COL19A1: variants seen among roughly 807,000 people sequenced by gnomAD.
COL19A1 encodes the protein collagen alpha-1(XIX) chain.
Under a neutral mutation model 190.2 loss-of-function variants are expected in COL19A1, and 159 were observed. That is an observed-to-expected ratio of 0.84 (90% CI 0.73 to 0.95). COL19A1 has a LOEUF of 0.95. Ranked by LOEUF, COL19A1 falls within the 40% of genes least tolerant of loss-of-function variation. COL19A1 has a pLI of 0.00. For synonymous variants in COL19A1, 509 were observed against 458.9 expected (o/e 1.11, Z -1.39); for missense variants, 1,418 against 1,431.9 (o/e 0.99, Z 0.16).
At chr6:69,932,887 G>C (rs1772872220) in intron 7 of COL19A1, 24 bp downstream of exon 7, 5 of 1,448,798 alleles carry the variant, frequency 3.5e-6, no homozygotes, top group Middle Eastern at 1.7e-4. Flanking sequence ...CTTTGCATAT[G>C]AAGAATGAAG....
intron 14 of COL19A1, among the ~76,000 whole-genome samples, chr6:70,046,801 G>A (rs1402321485): frequency 6.6e-6 from 1 of 152,084 alleles, no homozygotes; most frequent in East Asian, 1.9e-4. Context: ...TCATAAAAAT[G>A]TGAAATAACT....
intron 1 of COL19A1, among the ~76,000 whole-genome samples, chr6:69,873,762 C>T (rs1430240590): frequency 1.3e-5 from 2 of 152,154 alleles, no homozygotes; most frequent in African/African-American, 4.8e-5. Context: ...AAGTTTCTAA[C>T]ACAGGAAATT....
Position 69,913,170 on chromosome 6 carries a change from C to T in COL19A1, c.266+12832C>T, listed in dbSNP as rs188124158. On this transcript the variant is annotated intron_variant, in intron 4 of 50. Transcript: ENST00000620364. ...GTTTGCCTCTCTCTTCTGATTTACC[C>T]ACAATAAGAATGTAAAGTTTCTTTT... Among the ~76,000 whole-genome samples, 8 of 152,244 alleles carry T rather than the reference C, an allele frequency of 5.3e-5. No homozygotes were observed. The South Asian group carries it at 6.2e-4, about 12-fold the overall frequency.
In COL19A1 at chr6:70,141,938, T is replaced by C. The variant is rs942685851; in HGVS notation, c.1518+10T>C. 1.9e-6 allele frequency: 3 copies of C among 1,607,424 alleles called. No homozygotes were observed. In the African/African-American group the frequency reaches 4.0e-5, roughly 22 times the overall value. On this transcript the variant is annotated intron_variant, in intron 21 of 50. Transcript: ENST00000620364. ...ATCACAGGGAGTAAAGGTAATTTCC[T>C]GGCATTCTTCAATTTCCTCTCCAAC...
At chr6:70,109,582 G>A (rs1345601066) in intron 16 of COL19A1, among the ~76,000 whole-genome samples, 1 of 132,228 alleles carries the variant, frequency 7.6e-6, no homozygotes, top group Non-Finnish European at 1.6e-5. Flanking sequence ...GTGTGTGTGT[G>A]TATCTGCAGC....
intron 4 of COL19A1, among the ~76,000 whole-genome samples, chr6:69,926,982 A>T (rs1772441896): frequency 6.6e-6 from 1 of 152,170 alleles, no homozygotes; most frequent in African/African-American, 2.4e-5. Context: ...AACGTTTTGA[A>T]GGAAAAAGAC....
intron 14 of COL19A1, among the ~76,000 whole-genome samples, chr6:70,067,216 T>C (rs1290931988): frequency 2.0e-5 from 3 of 152,106 alleles, no homozygotes; most frequent in East Asian, 3.8e-4. Flanking sequence ...GTGATGTGAA[T>C]GGATGGAGGA....
chr6:70,044,385 TTGTC>T (rs1185700254), intron 14 of COL19A1, among the ~76,000 whole-genome samples: 1 of 152,218 alleles, frequency 6.6e-6, no homozygotes, highest in Non-Finnish European at 1.5e-5. Flanking sequence ...AGTTGGTTGT[TTGTC>T]TGGAGGGACC....
chr6:70,110,604 TG>T (rs2150198366), intron 16 of COL19A1, among the ~76,000 whole-genome samples: 1 of 152,294 alleles, frequency 6.6e-6, no homozygotes, highest in African/African-American at 2.4e-5. Flanking sequence ...TGTCACCTTG[TG>T]TGACCACAGA....
chr6:69,960,807 T>C (rs1774745364), intron 10 of COL19A1, among the ~76,000 whole-genome samples: 1 of 151,772 alleles, frequency 6.6e-6, no homozygotes, highest in East Asian at 1.9e-4. Flanking sequence ...TTTTTTGTAT[T>C]TTTTTAGTAG....
intron 49 of COL19A1, among the ~76,000 whole-genome samples, chr6:70,200,206 T>C (rs999437626): frequency 3.3e-5 from 5 of 152,232 alleles, no homozygotes; most frequent in African/African-American, 4.8e-5. Context: ...AATTTTAGAA[T>C]CTTTCTGCTT....
intron 34 of COL19A1, 141 bp from the exon 35 acceptor site, chr6:70,161,758 AG>A: frequency 1.8e-6 from 1 of 559,594 alleles, no homozygotes; most frequent in South Asian, 3.9e-5. Flanking sequence ...GAATTAAAAA[AG>A]TATATTTGTA....
At chr6:69,976,185 T>G (rs1487868344) in intron 11 of COL19A1, among the ~76,000 whole-genome samples, 3 of 152,242 alleles carry the variant, frequency 2.0e-5, no homozygotes, top group African/African-American at 7.2e-5. Flanking sequence ...TCTCAGTGGC[T>G]AATTTCCATG....
intron 4 of COL19A1, among the ~76,000 whole-genome samples, chr6:69,905,721 T>G (rs1295083474): frequency 6.6e-6 from 1 of 152,222 alleles, no homozygotes; most frequent in Non-Finnish European, 1.5e-5. Flanking sequence ...AGCACAGCCG[T>G]GTTCCTTACA....
rs143250517 is a variant in COL19A1, at chr6:70,180,476, G to T, written c.2728G>T (p.Val910Phe). Residue 910 changes from valine to phenylalanine, a missense_variant, in exon 44 of 51, where the codon GTT becomes TTT. Val to Phe is a conservative substitution (Grantham distance 50). Transcript: ENST00000620364. ...VPGEPGERGPVGDIGFPGPEG... is the reference protein window; with the variant it reads ...VPGEPGERGPFGDIGFPGPEG... ...GTGTTTATAGGGTGAGAGAGGACCT[G>T]TTGGAGATATAGGTTTCCCTGGACC... The T allele has an allele frequency of 1.4e-3, 2,215 of 1,614,138 alleles. 3 individuals carry two copies. The highest frequency in any genetic ancestry group is 1.5e-3 in the Non-Finnish European group (1,827 of 1,180,000).
chr6:70,085,397 C>T (rs1449311587), intron 15 of COL19A1, among the ~76,000 whole-genome samples: 1 of 152,180 alleles, frequency 6.6e-6, no homozygotes, highest in African/African-American at 2.4e-5. Flanking sequence ...TAGCACTGTC[C>T]TACAGAAGCT....
chr6:70,055,254 A>G (rs1349803588), intron 14 of COL19A1, among the ~76,000 whole-genome samples: 2 of 152,192 alleles, frequency 1.3e-5, no homozygotes, highest in Non-Finnish European at 2.9e-5. Flanking sequence ...AAACATACCT[A>G]TACATTTTAG....
intron 11 of COL19A1, among the ~76,000 whole-genome samples, chr6:70,003,721 G>T (rs1025001535): frequency 5.9e-5 from 9 of 151,724 alleles, no homozygotes; most frequent in African/African-American, 9.7e-5. Flanking sequence ...CTTGCCATTT[G>T]CTTAGTAAAT....
intron 18 of COL19A1, among the ~76,000 whole-genome samples, chr6:70,134,381 A>G (rs1785708828): frequency 6.6e-6 from 1 of 152,202 alleles, no homozygotes; most frequent in Non-Finnish European, 1.5e-5. Flanking sequence ...GAAAAAAACA[A>G]TACTTACGTA....
Sources: gnomAD v4.1 joint callset for allele counts (sites outside exome capture counted in the v4.1 genomes callset) on GRCh38, gnomAD v4.1.1 for gene constraint, MANE v1.5 for transcripts, NCBI Gene and HGNC (gene_info 2026-07-23, HGNC 2026-07-21) for gene names.